The following FLNB variants were observed in gnomAD, a reference collection of about 807,000 sequenced individuals.
The protein encoded by FLNB is filamin B.
FLNB carries 111 observed loss-of-function variants against 250.6 expected under a neutral mutation model. That is an observed-to-expected ratio of 0.44 (90% CI 0.38 to 0.52). The LOEUF is 0.52. Among genes scored for constraint, FLNB ranks in the 20% least tolerant of loss-of-function variants. The probability of loss-of-function intolerance (pLI) is 0.00; values close to 1 mark genes in which losing one functional copy is unlikely to be tolerated. For synonymous variants in FLNB, 1,302 were observed against 1,372.1 expected (o/e 0.95, Z 1.13); for missense variants, 2,869 against 3,447.8 (o/e 0.83, Z 4.20).
At chr3:58,089,343 G>A (rs1374637544) in intron 4 of FLNB, among the ~76,000 whole-genome samples, 1 of 152,010 alleles carries the variant, frequency 6.6e-6, no homozygotes, top group Non-Finnish European at 1.5e-5. Context: ...TCAGGAATTC[G>A]ATACCAGCCT....
chr3:58,085,148 C>T (rs1456247594), intron 4 of FLNB, among the ~76,000 whole-genome samples: 1 of 152,184 alleles, frequency 6.6e-6, no homozygotes, highest in Non-Finnish European at 1.5e-5. Context: ...CATGGGTGTA[C>T]AAGTGCTGTT....
chr3:58,162,175 A>C (rs1486225310), intron 42 of FLNB, among the ~76,000 whole-genome samples: 1 of 152,156 alleles, frequency 6.6e-6, no homozygotes, highest in Non-Finnish European at 1.5e-5. Flanking sequence ...ACCTCTGTGG[A>C]GACGTCCAGA....
intron 3 of FLNB, among the ~76,000 whole-genome samples, chr3:58,079,251 T>TA (rs1426336838): frequency 1.6e-5 from 2 of 125,058 alleles, no homozygotes; most frequent in African/African-American, 7.8e-5. Context: ...TCACAGGACT[T>TA]AAAATTTTTT....
intron 5 of FLNB, among the ~76,000 whole-genome samples, 196 bp from the exon 6 acceptor site, chr3:58,095,945 A>G (rs1287921826): frequency 6.6e-6 from 1 of 152,160 alleles, no homozygotes; most frequent in African/African-American, 2.4e-5. Flanking sequence ...TGACTCTGTT[A>G]TGCCTCTGTG....
At chr3:58,135,557 C>G (rs941830833) in intron 27 of FLNB, among the ~76,000 whole-genome samples, 2 of 152,186 alleles carry the variant, frequency 1.3e-5, no homozygotes, top group African/African-American at 4.8e-5. Context: ...GGGGGTTGGT[C>G]ACAATTCACA....
At chr3:58,060,991 G>A (rs2106881862) in intron 1 of FLNB, among the ~76,000 whole-genome samples, 1 of 152,208 alleles carries the variant, frequency 6.6e-6, no homozygotes, top group South Asian at 2.1e-4. Context: ...AAGGCATTTG[G>A]ATGGCCACTG....
At chr3:58,137,448 C>CGTGTG (rs1559721689) in intron 28 of FLNB, among the ~76,000 whole-genome samples, 1 of 152,256 alleles carries the variant, frequency 6.6e-6, no homozygotes, top group Non-Finnish European at 1.5e-5. Flanking sequence ...GAGCTGAATA[C>CGTGTG]TTGCCTTTTG....
At position 58,008,717 on chromosome 3, in the gene FLNB, C is replaced by T; in HGVS notation, c.153C>T (p.Ile51=). 1 of 1,614,184 alleles carries T rather than the reference C, an allele frequency of 6.2e-7. No individual in the cohort carries two copies. The highest frequency in any genetic ancestry group is 8.5e-7 in the Non-Finnish European group (1 of 1,180,042). ...QTDLSDGLRL[I]ALLEVLSQKR... Reference sequence around the variant, plus strand: ...ACCTGAGCGACGGGCTGCGGCTCATCGCGCTGCTCGAGGTGCTCAGCCAGA... The same window carrying T: ...ACCTGAGCGACGGGCTGCGGCTCATTGCGCTGCTCGAGGTGCTCAGCCAGA... The change falls in exon 1 of 46, where the codon ATC becomes ATT. Residue 51 remains isoleucine, a synonymous_variant. Transcript: ENST00000295956.
intron 1 of FLNB, among the ~76,000 whole-genome samples, chr3:58,019,301 C>G (rs905294537): frequency 6.6e-6 from 1 of 152,180 alleles, no homozygotes; most frequent in Non-Finnish European, 1.5e-5. Context: ...TTTGTATCAG[C>G]CCCACTCCCT....
At chr3:58,159,710 G>T (rs561144010) in intron 42 of FLNB, 24 bp downstream of exon 42, 1 of 1,610,238 alleles carries the variant, frequency 6.2e-7, no homozygotes, top group Non-Finnish European at 8.5e-7. Flanking sequence ...CTGCTGGGGG[G>T]TCCCAGCACC....
chr3:58,035,429 CTG>C (rs1210203421), intron 1 of FLNB, among the ~76,000 whole-genome samples: 1 of 152,182 alleles, frequency 6.6e-6, no homozygotes, highest in African/African-American at 2.4e-5. Context: ...GAGCCTCAGT[CTG>C]TAGACTTGAG....
Position 58,112,256 on chromosome 3 carries a change from G to C in FLNB, c.2683G>C (p.Asp895His), listed in dbSNP as rs778010429. The change falls in exon 18 of 46, where the codon GAT becomes CAT. Residue 895 changes from aspartate (D) to histidine (H), a missense_variant. Physicochemically the swap from Asp to His is moderately conservative, Grantham distance 81 (BLOSUM62 -1). Coordinates refer to ENST00000295956, the MANE Select transcript of FLNB (RefSeq NM_001457.4). The part of the protein sequence containing the change: ...NSPLPGDAVK[D>H]LDIIDNYDYS... ...CCCTCTTCCTGGCGATGCAGTGAAG[G>C]ATTTGGATATCATCGATAATTATGA... 2 of 1,614,124 alleles carry C rather than the reference G, an allele frequency of 1.2e-6. No individual in the cohort carries two copies. Among genetic ancestry groups the C allele is most frequent in the South Asian group, 2.2e-5 (2 of 91,072 alleles).
Position 58,077,414 on chromosome 3 carries a change from G to C in FLNB, c.541+120G>C, listed in dbSNP as rs193168295. On this transcript the variant is annotated intron_variant, in intron 2 of 45. Coordinates refer to ENST00000295956, the MANE Select transcript of FLNB (RefSeq NM_001457.4). ...GATTAGCGTATTTCTCCAGGTCTTA[G>C]CCCATTATAAGCCCATTATAAGGAA... The C allele has an allele frequency of 6.8e-6, 9 of 1,318,004 alleles. No homozygotes were observed. The East Asian group carries it at 2.1e-4, about 31-fold the overall frequency. The allele number at this position is 1,318,004 out of a possible 1,614,324, so 81.6% of individuals were successfully genotyped here. A position where few individuals can be genotyped will look rare whatever the true frequency, so the allele number is the denominator to read the frequency against.
chr3:58,102,150 C>A, intron 8 of FLNB, 53 bp from the exon 9 acceptor site: 2 of 1,609,858 alleles, frequency 1.2e-6, no homozygotes, highest in Admixed American at 3.3e-5. Context: ...TTGGCTTTCA[C>A]GACTCTGACT....
At chr3:58,126,311 C>A (rs1306949164) in intron 23 of FLNB, among the ~76,000 whole-genome samples, 1 of 152,090 alleles carries the variant, frequency 6.6e-6, no homozygotes, top group Non-Finnish European at 1.5e-5. Flanking sequence ...ACCCAAGAGA[C>A]ATAGGTTGCA....
chr3:58,097,844 C>T lies in FLNB; in HGVS notation c.1014C>T (p.Ile338=), dbSNP rs1268028637. ...CAGTCCTCTTTGCAGGACAGCACATCTCCAAGAGCCCATTTGAAGTGAGTG... is the reference window on the plus strand; with the variant it reads ...CAGTCCTCTTTGCAGGACAGCACATTTCCAAGAGCCCATTTGAAGTGAGTG... The part of the protein sequence containing the change: ...KVTVLFAGQH[I]SKSPFEVSVD... The change falls in exon 7 of 46, where the codon ATC becomes ATT. Residue 338 remains isoleucine, a synonymous_variant. Coordinates refer to ENST00000295956, the MANE Select transcript of FLNB (RefSeq NM_001457.4). 1 of 1,614,034 alleles carries T rather than the reference C, an allele frequency of 6.2e-7. No individual in the cohort carries two copies. Among genetic ancestry groups the T allele is most frequent in the Non-Finnish European group, 8.5e-7 (1 of 1,180,024 alleles).
chr3:58,056,674 T>C (rs770767866), intron 1 of FLNB, among the ~76,000 whole-genome samples: 1 of 152,088 alleles, frequency 6.6e-6, no homozygotes, highest in Non-Finnish European at 1.5e-5. Context: ...TGACCTCGGC[T>C]CACTGCAGTC....
intron 40 of FLNB, among the ~76,000 whole-genome samples, chr3:58,155,261 C>T (rs926012351): frequency 6.6e-6 from 1 of 152,258 alleles, no homozygotes. Flanking sequence ...CATCTGAGCT[C>T]CCTCTAGCAG....
In FLNB at chr3:58,109,718, C is replaced by A; in HGVS notation, c.2323+19C>A. 2 of 1,613,946 alleles carry A rather than the reference C, an allele frequency of 1.2e-6. No individual in the cohort carries two copies. Among genetic ancestry groups the A allele is most frequent in the South Asian group, 2.2e-5 (2 of 90,938 alleles). ...GGGGAAGGTGAGAAAGGGCTTTGTT[C>A]AACCCAGTGATCATTGCTCCGTGGG... On this transcript the variant is annotated intron_variant, in intron 15 of 45. Transcript: ENST00000295956.
Sources: gnomAD v4.1 joint callset for allele counts (sites outside exome capture counted in the v4.1 genomes callset) on GRCh38, gnomAD v4.1.1 for gene constraint, MANE v1.5 for transcripts, NCBI Gene and HGNC (gene_info 2026-07-23, HGNC 2026-07-21) for gene names.